Variants in NASP observed in about 807,000 individuals in gnomAD.
The protein encoded by NASP is NASP histone chaperone.
Under a neutral mutation model 89.5 loss-of-function variants are expected in NASP, and 24 were observed. That is an observed-to-expected ratio of 0.27 (90% CI 0.19 to 0.38). NASP has a LOEUF of 0.38. Among genes scored for constraint, NASP ranks in the 10% least tolerant of loss-of-function variants. The probability of loss-of-function intolerance (pLI) is 1.00; values close to 1 mark genes in which losing one functional copy is unlikely to be tolerated. For missense variants in NASP, 848 were observed against 921.4 expected (o/e 0.92, Z 1.03); for synonymous variants, 306 against 324.7 (o/e 0.94, Z 0.62).
Position 45,618,389 on chromosome 1 carries a change from G to C in NASP, c.*248G>C, listed in dbSNP as rs945178. Reference sequence around the variant, plus strand: ...TGATCCTAATTCCTATCTGTCTAACGTGGAGGTGATCAAGTGTGGCTGTAG... The same window carrying C: ...TGATCCTAATTCCTATCTGTCTAACCTGGAGGTGATCAAGTGTGGCTGTAG... On this transcript the variant is annotated 3_prime_UTR_variant, in exon 15 of 15. Transcript: ENST00000350030. 1 of 348,132 alleles carries C rather than the reference G, an allele frequency of 2.9e-6. No individual in the cohort carries two copies. Among genetic ancestry groups the C allele is most frequent in the Non-Finnish European group, 5.5e-6 (1 of 182,910 alleles). 21.6% of individuals were successfully genotyped at this position (348,132 alleles called of 1,614,324 possible).
At chr1:45,593,977 T>G (rs1643621555) in intron 2 of NASP, among the ~76,000 whole-genome samples, 1 of 150,822 alleles carries the variant, frequency 6.6e-6, no homozygotes, top group Non-Finnish European at 1.5e-5. Flanking sequence ...GGTGGTGAGC[T>G]ATGATCCTGC....
At chr1:45,603,392 T>C (rs1049557071) in intron 3 of NASP, among the ~76,000 whole-genome samples, 2 of 152,330 alleles carry the variant, frequency 1.3e-5, no homozygotes, top group African/African-American at 4.8e-5. Context: ...GAAATGGTTA[T>C]AACAAAGCGT....
intron 14 of NASP, 137 bp from the exon 15 acceptor site, chr1:45,617,924 T>C: frequency 1.4e-6 from 1 of 715,102 alleles, no homozygotes. Context: ...TACTTTGTGG[T>C]CACTGCCCTC....
At chr1:45,599,436 T>G (rs1643780565) in intron 2 of NASP, among the ~76,000 whole-genome samples, 1 of 151,236 alleles carries the variant, frequency 6.6e-6, no homozygotes, top group African/African-American at 2.4e-5. Flanking sequence ...CTCTTTTCTT[T>G]TCTTTTTTTG....
At chr1:45,616,446 C>A in intron 12 of NASP, 53 bp downstream of exon 12, 1 of 1,582,538 alleles carries the variant, frequency 6.3e-7, no homozygotes, top group Non-Finnish European at 8.7e-7. Context: ...AGTGTTGGCT[C>A]ATGCCTGTAA....
Position 45,616,377 on chromosome 1 carries a change from G to A in NASP, c.2063G>A (p.Gly688Asp). Residue 688 changes from glycine (G) to aspartate (D), a missense_variant, in exon 12 of 15, where the codon GGC becomes GAC. Transcript: ENST00000350030. ...STSGFTPGGG[G>D]SSVSMIASRK... ...TCAGGTTTCACTCCTGGTGGAGGAGGCTCTTCAGTCTCCATGGTGCGTATT... is the reference window on the plus strand; with the variant it reads ...TCAGGTTTCACTCCTGGTGGAGGAGACTCTTCAGTCTCCATGGTGCGTATT... 6.2e-7 allele frequency: 1 copy of A among 1,614,070 alleles called. No individual in the cohort carries two copies. Among genetic ancestry groups the A allele is most frequent in the South Asian group, 1.1e-5 (1 of 91,080 alleles).
At chr1:45,594,174 C>T (rs144982754) in intron 2 of NASP, among the ~76,000 whole-genome samples, 1 of 151,550 alleles carries the variant, frequency 6.6e-6, no homozygotes, top group African/African-American at 2.4e-5. Context: ...AAAAAAGATA[C>T]AAAAATTAGC....
At chr1:45,584,314 C>G in intron 1 of NASP, 109 bp downstream of exon 1, 1 of 988,264 alleles carries the variant, frequency 1.0e-6, no homozygotes, top group Non-Finnish European at 1.5e-6. Context: ...CTTGCCTTCC[C>G]AAGAGCAGCT....
At chr1:45,606,066 G>A (rs1345829620) in intron 4 of NASP, among the ~76,000 whole-genome samples, 2 of 152,164 alleles carry the variant, frequency 1.3e-5, no homozygotes, top group Non-Finnish European at 2.9e-5. Flanking sequence ...GTGAGCCACC[G>A]TGCCTGGTCT....
chr1:45,590,565 AAAG>A (rs1205956573), intron 1 of NASP, among the ~76,000 whole-genome samples: 3 of 151,056 alleles, frequency 2.0e-5, no homozygotes, highest in East Asian at 1.9e-4. Flanking sequence ...AAAAAAAAAA[AAAG>A]AAAAGAAATT....
intron 7 of NASP, among the ~76,000 whole-genome samples, 187 bp from the exon 8 acceptor site, chr1:45,613,908 AT>A (rs35849880): frequency 0.72 from 109,422 of 152,022 alleles, 39,502 homozygotes; most frequent in African/African-American, 0.76. Flanking sequence ...GTGAGCCAAC[AT>A]TTCACTGTTA....
chr1:45,588,976 TTTG>T (rs1643440935), intron 1 of NASP: 4 of 172,264 alleles, frequency 2.3e-5, no homozygotes, highest in Non-Finnish European at 5.0e-5. Context: ...TGTTTGTTTG[TTTG>T]TTTGTGAGTG....
chr1:45,616,489 T>C (rs1212785625), intron 12 of NASP, 96 bp downstream of exon 12: 2 of 1,511,184 alleles, frequency 1.3e-6, no homozygotes, highest in African/African-American at 1.4e-5. Context: ...GGCAGGAAGA[T>C]TGCCTGAGGC....
In NASP at chr1:45,591,226, T is replaced by A; in HGVS notation, c.63T>A (p.Ile21=). The change falls in exon 2 of 15, where the codon ATT becomes ATA. Residue 21 remains isoleucine (I), a synonymous_variant. Coordinates refer to ENST00000350030, the MANE Select transcript of NASP (RefSeq NM_002482.4). ...CCCCTTTAATTTTTTATTACAGAAT[T>A]GAAGATGTTCCTGCTCCTTCTACAT... ...VAAELVSADK[I]EDVPAPSTSA... The A allele has an allele frequency of 2.6e-6, 4 of 1,534,068 alleles. No homozygotes were observed. The highest frequency in any genetic ancestry group is 3.5e-6 in the Non-Finnish European group (4 of 1,141,224).
intron 3 of NASP, among the ~76,000 whole-genome samples, 160 bp downstream of exon 3, chr1:45,602,525 AAT>A (rs1491566842): frequency 2.0e-5 from 3 of 152,228 alleles, no homozygotes; most frequent in Non-Finnish European, 1.5e-5. Context: ...GTAAAACTTA[AAT>A]ATCACCAAGC....
chr1:45,617,707 G>A lies in NASP; in HGVS notation c.2286+116G>A. 2.4e-6 allele frequency: 3 copies of A among 1,245,030 alleles called. No individual in the cohort carries two copies. The East Asian group carries it at 7.6e-5, about 31-fold the overall frequency. 77.1% of individuals were successfully genotyped at this position (1,245,030 alleles called of 1,614,324 possible). ...TTGAGCCTGCTAACGATTGTTGAGT[G>A]CAGTCCTCACAGAAAACGGTACTTG... On this transcript the variant is annotated intron_variant, in intron 14 of 14. Coordinates refer to ENST00000350030, the MANE Select transcript of NASP (RefSeq NM_002482.4).
Position 45,608,041 on chromosome 1 carries a change from A to G in NASP, c.1130A>G (p.Asp377Gly). 6.2e-7 allele frequency: 1 copy of G among 1,614,012 alleles called. No individual in the cohort carries two copies. Among genetic ancestry groups the G allele is most frequent in the Non-Finnish European group, 8.5e-7 (1 of 1,179,906 alleles). The change falls in exon 6 of 15, where the codon GAT becomes GGT. Residue 377 changes from aspartate (D) to glycine (G), a missense_variant. Asp to Gly is a moderately conservative substitution (Grantham distance 94, BLOSUM62 -1). Around this residue, in one of 5 missense-constraint regions of NASP, gnomAD observed 464 missense variants for 469.4 expected, o/e 0.99. Coordinates refer to ENST00000350030, the MANE Select transcript of NASP (RefSeq NM_002482.4). ...PGQEAPVLPK[D>G]GAVNGPSVVG... ...CAGGAGGCTCCAGTTCTCCCTAAGG[A>G]TGGTGCAGTCAATGGACCGTCAGTT...
At chr1:45,605,133 A>AG (rs1480447035) in intron 4 of NASP, 117 bp downstream of exon 4, 1 of 770,756 alleles carries the variant, frequency 1.3e-6, no homozygotes, top group East Asian at 2.5e-5. Flanking sequence ...AGGAGCTTGA[A>AG]GTAGTGATGG....
intron 3 of NASP, among the ~76,000 whole-genome samples, chr1:45,604,418 A>G (rs1643885404): frequency 6.6e-6 from 1 of 152,244 alleles, no homozygotes; most frequent in African/African-American, 2.4e-5. Flanking sequence ...AGCTCTTTGA[A>G]CAAACAGTTA....
Sources: gnomAD v4.1 joint callset for allele counts (sites outside exome capture counted in the v4.1 genomes callset) on GRCh38, gnomAD v4.1.1 for gene constraint, gnomAD v4.1.1 regional missense constraint, MANE v1.5 for transcripts, NCBI Gene and HGNC (gene_info 2026-07-23, HGNC 2026-07-21) for gene names.